Variants in PRRC2B observed in about 807,000 individuals in gnomAD.
PRRC2B encodes proline rich coiled-coil 2B, also known as protein PRRC2B.
A neutral mutation model predicts 242.3 loss-of-function variants in PRRC2B; 68 were observed. The observed-to-expected ratio is 0.28, with a 90% CI of 0.23 to 0.34. The LOEUF is 0.34. Among genes scored for constraint, PRRC2B ranks in the 10% least tolerant of loss-of-function variants. The pLI, the probability that PRRC2B is intolerant of heterozygous loss-of-function variation, is 1.00. For missense variants in PRRC2B, 2,835 were observed against 2,954.8 expected (o/e 0.96, Z 0.94); for synonymous variants, 1,228 against 1,173.6 (o/e 1.05, Z -0.95).
intron 6 of PRRC2B, among the ~76,000 whole-genome samples, 151 bp downstream of exon 6, chr9:131,444,479 A>G (rs1314768684): frequency 1.3e-5 from 2 of 152,102 alleles, no homozygotes; most frequent in Non-Finnish European, 2.9e-5. Context: ...CTGTGCATCC[A>G]TTGGACTTGC....
At chr9:131,404,766 C>T (rs1411114405) in intron 1 of PRRC2B, among the ~76,000 whole-genome samples, 3 of 152,260 alleles carry the variant, frequency 2.0e-5, no homozygotes, top group African/African-American at 7.2e-5. Flanking sequence ...TTAGCAACTG[C>T]AGAGAATATT....
chr9:131,393,742 G>A (rs1198893673), upstream of PRRC2B, among the ~76,000 whole-genome samples: 1 of 126,684 alleles, frequency 7.9e-6, no homozygotes, highest in Admixed American at 9.1e-5. Flanking sequence ...GGCCCAGGCC[G>A]GGCCCATGCC....
chr9:131,374,910 C>A (rs1035566304), intron 1 of PRRC2B, among the ~76,000 whole-genome samples: 3 of 152,112 alleles, frequency 2.0e-5, no homozygotes, highest in African/African-American at 2.4e-5. Flanking sequence ...CTTGCACCCT[C>A]CCCAGGGTAC....
At chr9:131,478,671 G>T in intron 18 of PRRC2B, 52 bp downstream of exon 18, 1 of 1,381,694 alleles carries the variant, frequency 7.2e-7, no homozygotes, top group Admixed American at 2.0e-5. Flanking sequence ...GCTGGCAGAT[G>T]CCCAGGAAAC....
chr9:131,436,218 G>T (rs1250976895), intron 3 of PRRC2B, among the ~76,000 whole-genome samples: 3 of 152,156 alleles, frequency 2.0e-5, no homozygotes, highest in African/African-American at 7.2e-5. Flanking sequence ...AAAAAAGAAA[G>T]GCCAGGCAAG....
chr9:131,466,436 T>A (rs1943396900), intron 12 of PRRC2B, among the ~76,000 whole-genome samples: 1 of 152,244 alleles, frequency 6.6e-6, no homozygotes, highest in African/African-American at 2.4e-5. Context: ...AAGGAGAGCC[T>A]GAAAAATGTG....
intron 1 of PRRC2B, among the ~76,000 whole-genome samples, chr9:131,394,936 G>A (rs1482637506): frequency 6.9e-6 from 1 of 144,580 alleles, no homozygotes; most frequent in Non-Finnish European, 1.5e-5. Context: ...ACAGGATGTC[G>A]CCACTCGGGG....
At chr9:131,483,891 C>T (rs1200992906) in intron 23 of PRRC2B, among the ~76,000 whole-genome samples, 3 of 152,178 alleles carry the variant, frequency 2.0e-5, no homozygotes, top group East Asian at 3.9e-4. Context: ...TGTGGCCACT[C>T]GGGGCTGCAG....
chr9:131,495,973 C>G lies in PRRC2B; in HGVS notation c.*99C>G. On this transcript the variant is annotated 3_prime_UTR_variant, in exon 32 of 32. Transcript: ENST00000683519. ...CGGGAGCCTCACCAGATCCACCGTC[C>G]AAATGCGTGGCCCAGACTGAGAGAC... The G allele has an allele frequency of 6.6e-7, 1 of 1,504,050 alleles. No homozygotes were observed. The highest frequency in any genetic ancestry group is 1.4e-5 in the African/African-American group (1 of 72,988). The allele number at this position is 1,504,050 out of a possible 1,614,324, so 93.2% of individuals were successfully genotyped here.
chr9:131,459,970 C>CAAA (rs34696844), intron 11 of PRRC2B, among the ~76,000 whole-genome samples: 76 of 87,074 alleles, frequency 8.7e-4, no homozygotes, highest in Non-Finnish European at 1.3e-3. Flanking sequence ...ACCCTATCTC[C>CAAA]AAAAAAAAAA....
chr9:131,439,944 A>G (rs1375879365), intron 5 of PRRC2B, among the ~76,000 whole-genome samples: 2 of 150,150 alleles, frequency 1.3e-5, no homozygotes, highest in Admixed American at 6.7e-5. Flanking sequence ...ACAAGATTTC[A>G]CTATGTTGCC....
chr9:131,423,788 G>A (rs907842056), intron 1 of PRRC2B, among the ~76,000 whole-genome samples: 1 of 152,228 alleles, frequency 6.6e-6, no homozygotes, highest in Admixed American at 6.5e-5. Flanking sequence ...ACTGTGGAGA[G>A]TGTAATTGTC....
upstream of PRRC2B, among the ~76,000 whole-genome samples, chr9:131,390,659 T>C (rs530230735): frequency 1.3e-5 from 2 of 151,020 alleles, no homozygotes; most frequent in South Asian, 4.2e-4. Flanking sequence ...ATTTTTTGTA[T>C]TTTTAGTAGA....
Position 131,474,500 on chromosome 9 carries a change from A to C in PRRC2B, c.2371A>C (p.Ser791Arg). The C allele has an allele frequency of 1.2e-6, 2 of 1,613,940 alleles. No individual in the cohort carries two copies. Among genetic ancestry groups the C allele is most frequent in the Non-Finnish European group, 1.7e-6 (2 of 1,179,870 alleles). The stretch of plus-strand genomic sequence containing the variant: ...CTCACTCGGAAGGGCAGGGGGCGTA[A>C]GTGCTCAGCGCGATCTCTTTGAGGA... ...SASLGRAGGV[S>R]AQRDLFEERG... The change falls in exon 16 of 32, where the codon AGT becomes CGT. Residue 791 changes from serine to arginine, a missense_variant. Coordinates refer to ENST00000683519, the MANE Select transcript of PRRC2B (RefSeq NM_013318.4).
intron 1 of PRRC2B, among the ~76,000 whole-genome samples, chr9:131,375,353 T>C (rs1465594581): frequency 6.6e-6 from 1 of 151,666 alleles, no homozygotes; most frequent in African/African-American, 2.4e-5. Flanking sequence ...GAGCCGAGAT[T>C]GCGTCACAGC....
At chr9:131,471,602 G>A (rs1943548729) in intron 14 of PRRC2B, among the ~76,000 whole-genome samples, 1 of 152,172 alleles carries the variant, frequency 6.6e-6, no homozygotes, top group South Asian at 2.1e-4. Flanking sequence ...CAGTTTTGGT[G>A]TTGTAGGACA....
intron 1 of PRRC2B, among the ~76,000 whole-genome samples, chr9:131,400,560 C>T (rs533212672): frequency 5.6e-4 from 86 of 152,214 alleles, no homozygotes; most frequent in African/African-American, 1.6e-3. Flanking sequence ...TCAGGTGATC[C>T]ACCTGCCTTG....
At position 131,405,025 on chromosome 9, in the gene PRRC2B, G is replaced by A. The variant is rs559823189; in HGVS notation, c.-52+10762G>A. 1.2e-3 allele frequency among the ~76,000 whole-genome samples: 176 copies of A among 152,310 alleles called. 1 individual carries two copies. The highest frequency in any genetic ancestry group is 4.0e-3 in the African/African-American group (167 of 41,560). ...TTTGTATCAGCTTATATGTGTGAGC[G>A]TATGTTTCTGGACTATGGGCTTTTC... is the stretch of plus-strand genomic sequence containing the variant. On this transcript the variant is annotated intron_variant, in intron 1 of 31. Coordinates refer to ENST00000683519, the MANE Select transcript of PRRC2B (RefSeq NM_013318.4).
At chr9:131,414,354 C>G (rs1231703930) in intron 1 of PRRC2B, among the ~76,000 whole-genome samples, 1 of 143,778 alleles carries the variant, frequency 7.0e-6, no homozygotes, top group Non-Finnish European at 1.5e-5. Context: ...AAATCGGACA[C>G]AGAAAGCAGT....
Sources: gnomAD v4.1 joint callset for allele counts (sites outside exome capture counted in the v4.1 genomes callset) on GRCh38, gnomAD v4.1.1 for gene constraint, MANE v1.5 for transcripts, NCBI Gene and HGNC (gene_info 2026-07-23, HGNC 2026-07-21) for gene names.